PHACTR1: variants seen among roughly 807,000 people sequenced by gnomAD.
The protein encoded by PHACTR1 is phosphatase and actin regulator 1, also known as RPEL repeat containing 1.
A neutral mutation model predicts 69.2 loss-of-function variants in PHACTR1; 16 were observed. That is an observed-to-expected ratio of 0.23 (90% CI 0.16 to 0.35). The LOEUF (loss-of-function observed/expected upper bound fraction) is 0.35. PHACTR1 is among the 10% of genes least tolerant of loss of function. The probability of loss-of-function intolerance (pLI) is 1.00; values close to 1 mark genes in which losing one functional copy is unlikely to be tolerated. For synonymous variants in PHACTR1, 312 were observed against 284.5 expected (o/e 1.10, Z -0.97); for missense variants, 510 against 734.7 (o/e 0.69, Z 3.54).
intron 4 of PHACTR1, among the ~76,000 whole-genome samples, chr6:12,852,435 A>G (rs987312815): frequency 2.0e-5 from 3 of 152,198 alleles, no homozygotes; most frequent in African/African-American, 4.8e-5. Context: ...GGGATGGTAC[A>G]GCAGAAGTCA....
intron 4 of PHACTR1, among the ~76,000 whole-genome samples, chr6:12,799,523 A>C (rs1773462088): frequency 6.6e-6 from 1 of 152,244 alleles, no homozygotes; most frequent in African/African-American, 2.4e-5. Context: ...ACTTACCAAC[A>C]TTCAAAGTAA....
At chr6:12,813,688 C>G (rs1390453672) in intron 4 of PHACTR1, among the ~76,000 whole-genome samples, 4 of 152,190 alleles carry the variant, frequency 2.6e-5, no homozygotes, top group Non-Finnish European at 5.9e-5. Context: ...TACTAGTAAA[C>G]TAAACTGTAC....
At position 12,933,979 on chromosome 6, in the gene PHACTR1, C is replaced by T. The variant is rs183846319; in HGVS notation, c.251-119386C>T. Reference sequence around the variant, plus strand: ...TTCCTAGAGTTGCTGTAACAAAGTACCACAAACTACATGACATAAAACAAT... The same window carrying T: ...TTCCTAGAGTTGCTGTAACAAAGTATCACAAACTACATGACATAAAACAAT... On this transcript the variant is annotated intron_variant, in intron 4 of 14. Coordinates refer to ENST00000332995, the MANE Select transcript of PHACTR1 (RefSeq NM_030948.6). The T allele has an allele frequency of 6.2e-5, 95 of 1,543,848 alleles. 1 individual carries two copies. The East Asian group carries it at 2.0e-3, about 33-fold the overall frequency.
chr6:12,852,822 C>A (rs1371800520), intron 4 of PHACTR1, among the ~76,000 whole-genome samples: 1 of 152,182 alleles, frequency 6.6e-6, no homozygotes, highest in African/African-American at 2.4e-5. Context: ...TAGTTTATGA[C>A]AGCAAAGCTT....
intron 4 of PHACTR1, among the ~76,000 whole-genome samples, chr6:12,925,181 A>G (rs1340200935): frequency 6.6e-6 from 1 of 152,242 alleles, no homozygotes; most frequent in Non-Finnish European, 1.5e-5. Context: ...CTTCAAGAAC[A>G]AACATCTCCC....
At chr6:12,854,333 A>G (rs940896305) in intron 4 of PHACTR1, among the ~76,000 whole-genome samples, 3 of 152,116 alleles carry the variant, frequency 2.0e-5, no homozygotes, top group Admixed American at 2.0e-4. Flanking sequence ...GTTTCTTTTG[A>G]TTTCATTCCC....
intron 4 of PHACTR1, among the ~76,000 whole-genome samples, chr6:12,755,230 T>A (rs1767175207): frequency 6.6e-6 from 1 of 152,180 alleles, no homozygotes; most frequent in Admixed American, 6.5e-5. Context: ...TTCTATAAAA[T>A]CCCACAGAGG....
chr6:12,909,969 C>T (rs755865136), intron 4 of PHACTR1, among the ~76,000 whole-genome samples: 11 of 152,234 alleles, frequency 7.2e-5, no homozygotes, highest in Non-Finnish European at 1.6e-4. Context: ...CAGTATCTGT[C>T]CAGCCCTGCC....
At chr6:12,933,720 C>G in intron 4 of PHACTR1, 1 of 1,612,838 alleles carries the variant, frequency 6.2e-7, no homozygotes. Flanking sequence ...GAACTGTGTT[C>G]CCTGGAAAAC....
At chr6:13,217,047 C>T (rs1350446505) in intron 8 of PHACTR1, among the ~76,000 whole-genome samples, 1 of 152,108 alleles carries the variant, frequency 6.6e-6, no homozygotes, top group Non-Finnish European at 1.5e-5. Context: ...TGGAAACCAT[C>T]GTCCAGAAAG....
At chr6:12,779,928 A>G (rs1770601077) in intron 4 of PHACTR1, among the ~76,000 whole-genome samples, 1 of 152,160 alleles carries the variant, frequency 6.6e-6, no homozygotes, top group African/African-American at 2.4e-5. Flanking sequence ...CATGAATATT[A>G]CTCACTGAGC....
rs75660210 is a variant in PHACTR1 at position 13,223,413 on chromosome 6, G to A, written c.987-4403G>A. ...AATAGATGGGTCTCCTGAACGCCCT[G>A]AGTATTAAACTCAGTGCCCCAGGAG... On this transcript the variant is annotated intron_variant, in intron 8 of 14. Transcript: ENST00000332995. Among the ~76,000 whole-genome samples, 1,402 of 152,292 alleles carry A rather than the reference G, an allele frequency of 9.2e-3. 19 individuals carry two copies. Among genetic ancestry groups the A allele is most frequent in the African/African-American group, 0.029 (1,218 of 41,554 alleles).
intron 10 of PHACTR1, among the ~76,000 whole-genome samples, chr6:13,262,979 A>G (rs960904876): frequency 1.3e-5 from 2 of 152,256 alleles, no homozygotes; most frequent in African/African-American, 4.8e-5. Flanking sequence ...GTAAATGCTA[A>G]TGAAAGCTGT....
chr6:13,041,901 A>G (rs180998431), intron 4 of PHACTR1, among the ~76,000 whole-genome samples: 61 of 151,750 alleles, frequency 4.0e-4, no homozygotes, highest in Middle Eastern at 3.4e-3. Flanking sequence ...AAATCCCTTG[A>G]CTCCTCTGTG....
chr6:13,056,443 T>C (rs527579871), intron 5 of PHACTR1, among the ~76,000 whole-genome samples: 9 of 152,348 alleles, frequency 5.9e-5, no homozygotes, highest in African/African-American at 2.2e-4. Flanking sequence ...ATAAGAGTCA[T>C]ATCTAAGTAA....
chr6:12,787,320 C>T (rs560621647), intron 4 of PHACTR1, among the ~76,000 whole-genome samples: 2 of 152,294 alleles, frequency 1.3e-5, no homozygotes, highest in African/African-American at 4.8e-5. Context: ...AAAGCATAGG[C>T]ATTTTGAATA....
At chr6:12,834,906 GGT>G (rs1491074178) in intron 4 of PHACTR1, among the ~76,000 whole-genome samples, 1 of 127,736 alleles carries the variant, frequency 7.8e-6, no homozygotes, top group Non-Finnish European at 1.9e-5. Context: ...TACTATCAGT[GGT>G]GGAAGCATCT....
At chr6:13,098,940 A>G (rs1814707542) in intron 5 of PHACTR1, among the ~76,000 whole-genome samples, 1 of 152,210 alleles carries the variant, frequency 6.6e-6, no homozygotes, top group South Asian at 2.1e-4. Flanking sequence ...AGCCATGGTA[A>G]TGGGATAAAA....
At chr6:13,278,567 C>T (rs1329549945) in intron 12 of PHACTR1, among the ~76,000 whole-genome samples, 1 of 152,206 alleles carries the variant, frequency 6.6e-6, no homozygotes, top group Non-Finnish European at 1.5e-5. Flanking sequence ...CCTAACAACT[C>T]GATGGCTATT....
Sources: allele counts gnomAD v4.1 joint callset (sites outside exome capture counted in the v4.1 genomes callset), GRCh38; gene constraint gnomAD v4.1.1; transcripts MANE v1.5; gene names NCBI Gene and HGNC (gene_info 2026-07-23, HGNC 2026-07-21).